Variants in SLC9A9 observed in about 807,000 individuals in gnomAD.
The protein encoded by SLC9A9 is sodium/hydrogen exchanger 9.
In SLC9A9, 62 loss-of-function variants were observed where a neutral mutation model predicts 77.8. The observed-to-expected ratio is 0.80, with a 90% CI of 0.65 to 0.98. The LOEUF is 0.98. Ranked by LOEUF, SLC9A9 falls within the 50% of genes least tolerant of loss-of-function variation. SLC9A9 has a pLI of 0.00. For missense variants in SLC9A9, 775 were observed against 774.9 expected, an observed-to-expected ratio of 1.00 and a Z score of 0.00; for synonymous variants, 320 against 283.5, an observed-to-expected ratio of 1.13 and a Z score of -1.29.
chr3:143,416,923 T>C (rs982805334), intron 12 of SLC9A9, among the ~76,000 whole-genome samples: 1 of 152,172 alleles, frequency 6.6e-6, no homozygotes, highest in Non-Finnish European at 1.5e-5. Context: ...GGAGCTAGAC[T>C]GAAAAGAGTC....
intron 9 of SLC9A9, chr3:143,503,810 T>C (rs995578944): frequency 2.9e-5 from 10 of 339,380 alleles, no homozygotes; most frequent in Admixed American, 2.3e-4. Flanking sequence ...GGCTAAGCAG[T>C]TGGTGACACA....
chr3:143,517,649 A>G, intron 9 of SLC9A9: 1 of 1,597,312 alleles, frequency 6.3e-7, no homozygotes, highest in Non-Finnish European at 8.5e-7. Flanking sequence ...CTGGCCTAGA[A>G]GTCTGTGTGC....
At chr3:143,421,776 C>T (rs139801170) in intron 12 of SLC9A9, among the ~76,000 whole-genome samples, 62 of 152,042 alleles carry the variant, frequency 4.1e-4, no homozygotes, top group African/African-American at 1.3e-3. Flanking sequence ...GCACAGCAAA[C>T]GAAACTATCA....
intron 12 of SLC9A9, among the ~76,000 whole-genome samples, chr3:143,430,959 T>C (rs2034502699): frequency 6.6e-6 from 1 of 152,208 alleles, no homozygotes; most frequent in East Asian, 1.9e-4. Context: ...CACAAGCCAT[T>C]ACAACAAGGA....
chr3:143,660,385 G>T (rs2038960876), intron 5 of SLC9A9, among the ~76,000 whole-genome samples: 1 of 152,186 alleles, frequency 6.6e-6, no homozygotes, highest in Non-Finnish European at 1.5e-5. Context: ...ACCTCTTGGA[G>T]CCAAGCATGA....
rs529425639 is a variant in SLC9A9 at position 143,641,385 on chromosome 3, C to CTTTTTTTTT, written c.755+10861_755+10869dup. Among the ~76,000 whole-genome samples, 114 of 78,830 alleles carry CTTTTTTTTT rather than the reference C, an allele frequency of 1.4e-3. 9 individuals are homozygous for CTTTTTTTTT. Among genetic ancestry groups the CTTTTTTTTT allele is most frequent in the Non-Finnish European group, 1.9e-3 (82 of 42,114 alleles). The allele number at this position is 78,830 out of a possible 152,430, so 51.7% of individuals were successfully genotyped here. ...AAAAAGAATTATCTGTTGTCACAGT[C>CTTTTTTTTT]TTTTTTTTTTTTTTTTTTTTTTTTG... On this transcript the variant is annotated intron_variant, in intron 6 of 15. Coordinates refer to ENST00000316549, the MANE Select transcript of SLC9A9 (RefSeq NM_173653.4).
At chr3:143,641,536 G>A (rs1175939521) in intron 6 of SLC9A9, among the ~76,000 whole-genome samples, 2 of 151,840 alleles carry the variant, frequency 1.3e-5, no homozygotes, top group African/African-American at 4.8e-5. Context: ...TGGGACTACA[G>A]GTGCCTGCCA....
intron 2 of SLC9A9, among the ~76,000 whole-genome samples, chr3:143,830,168 C>CT (rs1259544716): frequency 6.6e-6 from 1 of 152,066 alleles, no homozygotes; most frequent in African/African-American, 2.4e-5. Flanking sequence ...TAAACAAAAT[C>CT]TTTTCCCCTT....
At chr3:143,274,315 T>G (rs1265368748) in intron 14 of SLC9A9, among the ~76,000 whole-genome samples, 1 of 152,220 alleles carries the variant, frequency 6.6e-6, no homozygotes, top group South Asian at 2.1e-4. Flanking sequence ...TCCATATGTC[T>G]TATTTTCTCT....
chr3:143,448,682 T>G (rs1030761598), intron 12 of SLC9A9, among the ~76,000 whole-genome samples: 2 of 150,972 alleles, frequency 1.3e-5, no homozygotes. Context: ...CTAATTCCAT[T>G]TTTAAGAATC....
At chr3:143,748,091 TG>T (rs1553788468) in intron 4 of SLC9A9, among the ~76,000 whole-genome samples, 2 of 152,232 alleles carry the variant, frequency 1.3e-5, no homozygotes, top group Non-Finnish European at 2.9e-5. Context: ...TAGTTGACAC[TG>T]AACTTAGTTT....
rs183983129 is a variant in SLC9A9, at chr3:143,544,571, T to G, written c.1089+7791A>C. ...TTCTTATAGATTCTAGTATTAGATC[T>G]TTGTCTAATGCATAGTGTGTGAATA... On this transcript the variant is annotated intron_variant, in intron 9 of 15. Transcript: ENST00000316549. Among the ~76,000 whole-genome samples, 353 of 152,288 alleles carry G rather than the reference T, an allele frequency of 2.3e-3. 2 individuals are homozygous for G. Among genetic ancestry groups the G allele is most frequent in the African/African-American group, 8.0e-3 (334 of 41,552 alleles).
At chr3:143,815,173 T>C (rs1384745199) in intron 2 of SLC9A9, among the ~76,000 whole-genome samples, 2 of 152,190 alleles carry the variant, frequency 1.3e-5, no homozygotes, top group East Asian at 3.8e-4. Context: ...ATTAATGCTT[T>C]TAAAATGGGG....
intron 5 of SLC9A9, among the ~76,000 whole-genome samples, chr3:143,683,457 C>G (rs1174214258): frequency 6.6e-6 from 1 of 152,052 alleles, no homozygotes; most frequent in Non-Finnish European, 1.5e-5. Flanking sequence ...GGAAGGAGCA[C>G]TGCTGTAGAT....
rs142423405 is a variant in SLC9A9 at position 143,677,215 on chromosome 3, T to C, written c.649+15977A>G. Among the ~76,000 whole-genome samples the C allele has an allele frequency of 1.9e-3, 292 of 152,326 alleles. 11 individuals carry two copies. In the East Asian group the frequency reaches 0.045, roughly 24 times the overall value. On this transcript the variant is annotated intron_variant, in intron 5 of 15. Coordinates refer to ENST00000316549, the MANE Select transcript of SLC9A9 (RefSeq NM_173653.4). ...TGTGCCTATACCTCACAAGTCCCAC[T>C]TTTCAATATAAAAGTTACACACAGA...
intron 4 of SLC9A9, among the ~76,000 whole-genome samples, chr3:143,764,956 TTTTG>T (rs1479099352): frequency 2.7e-5 from 4 of 149,776 alleles, no homozygotes; most frequent in African/African-American, 7.4e-5. Flanking sequence ...CTTCCTTCCT[TTTTG>T]TTTCTCTTTC....
At chr3:143,316,778 A>G (rs541021302) in intron 14 of SLC9A9, among the ~76,000 whole-genome samples, 1 of 152,300 alleles carries the variant, frequency 6.6e-6, no homozygotes, top group East Asian at 1.9e-4. Context: ...CATATTGACA[A>G]TATTAAGAGC....
chr3:143,392,499 C>T (rs1404559432), intron 12 of SLC9A9, among the ~76,000 whole-genome samples: 1 of 152,116 alleles, frequency 6.6e-6, no homozygotes, highest in Non-Finnish European at 1.5e-5. Flanking sequence ...CAAAAACATG[C>T]CAAATTGTAA....
rs561532845 is a variant in SLC9A9 at position 143,678,190 on chromosome 3, C to T, written c.649+15002G>A. On this transcript the variant is annotated intron_variant, in intron 5 of 15. Transcript: ENST00000316549. ...TTCCAGATTGTCATTTTAAAGTGTT[C>T]TTTGTGTATTAAAAATAGTAATATT... 3.9e-5 allele frequency among the ~76,000 whole-genome samples: 6 copies of T among 152,210 alleles called. No individual in the cohort carries two copies. The East Asian group carries it at 1.2e-3, about 29-fold the overall frequency.
Sources: allele counts gnomAD v4.1 joint callset (sites outside exome capture counted in the v4.1 genomes callset), GRCh38; gene constraint gnomAD v4.1.1; transcripts MANE v1.5; gene names NCBI Gene and HGNC (gene_info 2026-07-23, HGNC 2026-07-21).